Variants in MMP12 observed in about 807,000 individuals in gnomAD.
MMP12 encodes macrophage metalloelastase.
Under a neutral mutation model 45.2 loss-of-function variants are expected in MMP12, and 51 were observed. The ratio of observed to expected loss-of-function variants is 1.13; its 90% CI spans 0.90 to 1.42. The LOEUF (loss-of-function observed/expected upper bound fraction) is 1.42, where lower values mean the gene tolerates loss of function less well. Among genes scored for constraint, MMP12 ranks in the 40% most tolerant of loss-of-function variants. The probability of loss-of-function intolerance (pLI) is 0.00; values close to 1 mark genes in which losing one functional copy is unlikely to be tolerated. For missense variants in MMP12, 530 were observed against 570.8 expected (o/e 0.93, Z 0.73); for synonymous variants, 210 against 193.3 (o/e 1.09, Z -0.72).
chr11:102,870,332 A>G (rs554503858), intron 4 of MMP12, among the ~76,000 whole-genome samples: 6 of 152,360 alleles, frequency 3.9e-5, no homozygotes, highest in African/African-American at 1.4e-4. Context: ...TTTAGCAACT[A>G]CCTAATCCTA....
Position 102,865,324 on chromosome 11 carries a change from A to T in MMP12, c.1205+452T>A, listed in dbSNP as rs1222708605. Among the ~76,000 whole-genome samples, 2 of 152,170 alleles carry T rather than the reference A, an allele frequency of 1.3e-5. No individual in the cohort carries two copies. The highest frequency in any genetic ancestry group is 4.8e-5 in the African/African-American group (2 of 41,438). On this transcript the variant is annotated intron_variant, in intron 8 of 9. Coordinates refer to ENST00000571244, the MANE Select transcript of MMP12 (RefSeq NM_002426.6). The surrounding 1 kb of genome is among the most constrained non-coding windows in gnomAD (Gnocchi z 4.1). ...AATGAGCTCCTATCCTCACTTGACC[A>T]TATGACTTTCTTTTAAGGAAGATCT...
In MMP12 at chr11:102,865,902, G is replaced by T; in HGVS notation, c.1079C>A (p.Pro360Gln). 2.5e-6 allele frequency: 4 copies of T among 1,612,356 alleles called. No individual in the cohort carries two copies. The highest frequency in any genetic ancestry group is 3.4e-6 in the Non-Finnish European group (4 of 1,179,038). Residue 360 changes from proline (P) to glutamine (Q), a missense_variant, in exon 8 of 10, where the codon CCA becomes CAA. By Grantham distance (76) the Pro-to-Gln change is moderately conservative. Coordinates refer to ENST00000571244, the MANE Select transcript of MMP12 (RefSeq NM_002426.6). This position sits in a 1 kb window ranked among gnomAD's most constrained non-coding sequence, Gnocchi z 4.1. ...DKYWLISNLR[P>Q]EPNYPKSIHS... The stretch of plus-strand genomic sequence containing the variant: ...TATGCTCTTGGGATAATTTGGCTCT[G>T]GTCTTAAATTGCTAATTAACCAGTA...
chr11:102,862,810 C>T lies in MMP12; in HGVS notation c.*290G>A, dbSNP rs1279282401. The T allele has an allele frequency of 2.4e-5, 5 of 205,958 alleles. No homozygotes were observed. Among genetic ancestry groups the T allele is most frequent in the African/African-American group, 1.2e-4 (5 of 43,456 alleles). The allele number at this position is 205,958 out of a possible 1,614,324, so 12.8% of individuals were successfully genotyped here. The stretch of plus-strand genomic sequence containing the variant: ...TATGCCAGAAGTAAGTATAATTTCT[C>T]AGTCCAAGGATGTTAGGAAGCAACT... On this transcript the variant is annotated 3_prime_UTR_variant, in exon 10 of 10. Transcript: ENST00000571244.
rs782356946 is a variant in MMP12, at chr11:102,867,414, G to A, written c.788-21C>T. 6 of 1,590,796 alleles carry A rather than the reference G, an allele frequency of 3.8e-6. No individual in the cohort carries two copies. The East Asian group carries it at 1.1e-4, about 30-fold the overall frequency. ...GTCTCCTGAAAATACATTTCGAGAA[G>A]CATTAGTAAACAAAATCTGCATTGT... On this transcript the variant is annotated intron_variant, in intron 5 of 9. Coordinates refer to ENST00000571244, the MANE Select transcript of MMP12 (RefSeq NM_002426.6).
chr11:102,872,744 A>C (rs1859523302), intron 2 of MMP12, 121 bp downstream of exon 2: 2 of 1,055,722 alleles, frequency 1.9e-6, no homozygotes, highest in Non-Finnish European at 2.7e-6. Flanking sequence ...CAGAGATAGC[A>C]TTAACAATGG....
chr11:102,864,325 C>G (rs1308820302), intron 8 of MMP12, 73 bp from the exon 9 acceptor site: 1 of 970,994 alleles, frequency 1.0e-6, no homozygotes, highest in Non-Finnish European at 1.6e-6. Flanking sequence ...AACCCACCTT[C>G]TCTACTGAAG....
At chr11:102,874,028 CAAA>C (rs35364937) in intron 1 of MMP12, among the ~76,000 whole-genome samples, 2 of 97,478 alleles carry the variant, frequency 2.1e-5, no homozygotes, top group Non-Finnish European at 4.3e-5. Context: ...AACCCTGTCT[CAAA>C]AAAAAAAAAA....
At position 102,867,392 on chromosome 11, in the gene MMP12, T is replaced by TAGAA. The variant is rs1859411202; in HGVS notation, c.788_789insTTCT (p.Asp264SerfsTer13). The TAGAA allele has an allele frequency of 1.2e-6, 2 of 1,602,550 alleles. No homozygotes were observed. Among genetic ancestry groups the TAGAA allele is most frequent in the Non-Finnish European group, 1.7e-6 (2 of 1,176,462 alleles). ...GCAAGCGTTGGTTCTCTTTTGGGTC[T>TAGAA]CCTGAAAATACATTTCGAGAAGCAT... On this transcript the variant is annotated frameshift_variant and splice_region_variant, in exon 6 of 10. Transcript: ENST00000571244. LOFTEE classifies it high-confidence loss of function.
chr11:102,867,586 A>G (rs1228751419), intron 5 of MMP12, among the ~76,000 whole-genome samples, 193 bp from the exon 6 acceptor site: 1 of 152,186 alleles, frequency 6.6e-6, no homozygotes, highest in Non-Finnish European at 1.5e-5. Flanking sequence ...GGAGGAAGAA[A>G]ATCTGATTAT....
rs748171174 is a variant in MMP12, at chr11:102,863,209, G to A, written c.1313-9C>T. ...GAAGAAATAGTAGTATTCTGAAAATGAAAACAAATTAAATAGTTTAATTCC... is the reference window on the plus strand; with the variant it reads ...GAAGAAATAGTAGTATTCTGAAAATAAAAACAAATTAAATAGTTTAATTCC... On this transcript the variant is annotated splice_polypyrimidine_tract_variant and intron_variant, in intron 9 of 9. Coordinates refer to ENST00000571244, the MANE Select transcript of MMP12 (RefSeq NM_002426.6). The A allele has an allele frequency of 1.2e-5, 17 of 1,469,048 alleles. No individual in the cohort carries two copies. The highest frequency in any genetic ancestry group is 1.2e-5 in the Non-Finnish European group (13 of 1,058,446). The allele number at this position is 1,469,048 out of a possible 1,614,324, so 91.0% of individuals were successfully genotyped here.
chr11:102,864,231 C>T lies in MMP12; in HGVS notation c.1227G>A (p.Met409Ile). The T allele has an allele frequency of 6.2e-7, 1 of 1,613,634 alleles. No homozygotes were observed. The change falls in exon 9 of 10, where the codon ATG (methionine) becomes ATA (isoleucine). Residue 409 changes from methionine to isoleucine, a missense_variant. By Grantham distance (10) the Met-to-Ile change is conservative (BLOSUM62 1). Coordinates refer to ENST00000571244, the MANE Select transcript of MMP12 (RefSeq NM_002426.6). ...QYWRYDERRQ[M>I]MDPGYPKLIT... The stretch of plus-strand genomic sequence containing the variant: ...TCAGTTTGGGATAACCAGGGTCCAT[C>T]ATCTGTCTCCTTTCATCATACCTGA...
chr11:102,868,233 A>T (rs568837324), intron 4 of MMP12, among the ~76,000 whole-genome samples, 164 bp from the exon 5 acceptor site: 2 of 152,226 alleles, frequency 1.3e-5, no homozygotes, highest in African/African-American at 4.8e-5. Flanking sequence ...ATTACAGTTC[A>T]GTAGTCTGGG....
In MMP12 at chr11:102,867,960, G is replaced by T; in HGVS notation, c.735C>A (p.Ile245=). 1.2e-6 allele frequency: 2 copies of T among 1,609,890 alleles called. No individual in the cohort carries two copies. Among genetic ancestry groups the T allele is most frequent in the Non-Finnish European group, 1.7e-6 (2 of 1,178,254 alleles). The part of the protein sequence containing the change: ...VMFPTYKYVD[I]NTFRLSADDI... ...CATCAGCAGAGAGGCGAAATGTGTTGATGTCAACATATTTGTAGGTGGGGA... is the reference window on the plus strand; with the variant it reads ...CATCAGCAGAGAGGCGAAATGTGTTTATGTCAACATATTTGTAGGTGGGGA... Residue 245 remains isoleucine (I), a synonymous_variant, in exon 5 of 10, where the codon ATC becomes ATA. Coordinates refer to ENST00000571244, the MANE Select transcript of MMP12 (RefSeq NM_002426.6).
intron 1 of MMP12, among the ~76,000 whole-genome samples, chr11:102,873,913 C>T (rs566020650): frequency 1.3e-5 from 2 of 151,256 alleles, no homozygotes; most frequent in South Asian, 4.2e-4. Flanking sequence ...CCTGTAGTCC[C>T]AGCTACTTGG....
rs1451652591 is a variant in MMP12 at position 102,864,032 on chromosome 11, G to A, written c.1312+114C>T. ...GTGAGTTTTTCCTTGCGGCCCTATG[G>A]GGAACTGCAGAAACCTGTCCCTTTC... On this transcript the variant is annotated intron_variant, in intron 9 of 9. Coordinates refer to ENST00000571244, the MANE Select transcript of MMP12 (RefSeq NM_002426.6). The A allele has an allele frequency of 9.3e-5, 73 of 783,638 alleles. No homozygotes were observed. The South Asian group carries it at 1.2e-3, about 12-fold the overall frequency. 48.5% of individuals were successfully genotyped at this position (783,638 alleles called of 1,614,324 possible).
chr11:102,871,747 C>G lies in MMP12; in HGVS notation c.500-28G>C. The G allele has an allele frequency of 3.7e-6, 6 of 1,613,418 alleles. No individual in the cohort carries two copies. In the South Asian group the frequency reaches 6.6e-5, roughly 18 times the overall value. ...TTTGGAAAAGGAAAGAAAATTAGTC[C>G]TTCTATACATCCTATAGATCATGCC... is the stretch of plus-strand genomic sequence containing the variant. On this transcript the variant is annotated intron_variant, in intron 3 of 9. Transcript: ENST00000571244.
At chr11:102,867,486 T>C in intron 5 of MMP12, 93 bp from the exon 6 acceptor site, 1 of 1,190,594 alleles carries the variant, frequency 8.4e-7, no homozygotes, top group Non-Finnish European at 1.1e-6. Context: ...ATTTTCTTAA[T>C]GAACATTGCA....
At chr11:102,871,358 T>A (rs904360775) in intron 4 of MMP12, among the ~76,000 whole-genome samples, 1 of 152,176 alleles carries the variant, frequency 6.6e-6, no homozygotes, top group Non-Finnish European at 1.5e-5. Context: ...TTAGAGCTGA[T>A]CTTCAAGATG....
intron 8 of MMP12, among the ~76,000 whole-genome samples, chr11:102,864,908 C>G (rs2134417200): frequency 6.6e-6 from 1 of 152,266 alleles, no homozygotes; most frequent in Non-Finnish European, 1.5e-5. Context: ...AGGGAAAAAT[C>G]CTGGGCCAAG....
Sources: allele counts gnomAD v4.1 joint callset (sites outside exome capture counted in the v4.1 genomes callset), GRCh38; gene constraint gnomAD v4.1.1; non-coding constraint Gnocchi (gnomAD v3.1); transcripts MANE v1.5; gene names NCBI Gene and HGNC (gene_info 2026-07-23, HGNC 2026-07-21).